Variants in FGFR2 observed in about 807,000 individuals in gnomAD.
FGFR2 encodes the protein fibroblast growth factor receptor 2, also known as BEK fibroblast growth factor receptor.
Under a neutral mutation model 95.9 loss-of-function variants are expected in FGFR2, and 19 were observed. That is an observed-to-expected ratio of 0.20 (90% CI 0.14 to 0.29). The LOEUF is 0.29. Among genes scored for constraint, FGFR2 ranks in the 10% least tolerant of loss-of-function variants. The pLI is 1.00. For synonymous variants in FGFR2, 392 were observed against 393.3 expected (o/e 1.00, Z 0.04); for missense variants, 707 against 1,056.9 (o/e 0.67, Z 4.59).
intron 2 of FGFR2, among the ~76,000 whole-genome samples, chr10:121,592,590 C>G (rs1280891425): frequency 6.6e-6 from 1 of 152,180 alleles, no homozygotes; most frequent in Non-Finnish European, 1.5e-5. Context: ...TCAGAACTCT[C>G]ATCTCAGATG....
chr10:121,558,938 G>A (rs375493590), intron 4 of FGFR2, among the ~76,000 whole-genome samples: 11 of 151,736 alleles, frequency 7.2e-5, no homozygotes, highest in East Asian at 1.9e-4. Context: ...CAAGCTTTTC[G>A]TACTCTGTAC....
chr10:121,500,672 G>A (rs775903564), intron 11 of FGFR2, among the ~76,000 whole-genome samples, 154 bp downstream of exon 11: 2 of 152,144 alleles, frequency 1.3e-5, no homozygotes, highest in Non-Finnish European at 2.9e-5. Context: ...TAGTCTGTCC[G>A]AGATGCTGAT....
At chr10:121,520,724 C>T (rs1018112793) in intron 6 of FGFR2, among the ~76,000 whole-genome samples, 2 of 152,162 alleles carry the variant, frequency 1.3e-5, no homozygotes, top group African/African-American at 4.8e-5. Flanking sequence ...CTCACTGCAG[C>T]CTCAGCCTCC....
intron 5 of FGFR2, among the ~76,000 whole-genome samples, chr10:121,539,542 C>G (rs1038742581): frequency 6.6e-6 from 1 of 152,198 alleles, no homozygotes; most frequent in African/African-American, 2.4e-5. Flanking sequence ...CTCAAATTTT[C>G]AAACTTGCGA....
At chr10:121,578,617 G>C (rs192215770) in intron 2 of FGFR2, among the ~76,000 whole-genome samples, 49 of 152,364 alleles carry the variant, frequency 3.2e-4, no homozygotes, top group Non-Finnish European at 6.0e-4. Flanking sequence ...CACTTCCAAA[G>C]ATGCTGGGTC....
intron 12 of FGFR2, 50 bp downstream of exon 12, chr10:121,498,445 C>G (rs1847166392): frequency 3.3e-6 from 4 of 1,200,592 alleles, no homozygotes; most frequent in Non-Finnish European, 5.0e-6. Flanking sequence ...TAAAATGATT[C>G]AATCAAACTG....
intron 6 of FGFR2, among the ~76,000 whole-genome samples, chr10:121,523,338 G>T (rs1220447907): frequency 6.6e-6 from 1 of 152,148 alleles, no homozygotes. Context: ...CTCATACAAT[G>T]ACCCAGGGAT....
intron 2 of FGFR2, among the ~76,000 whole-genome samples, chr10:121,591,371 T>C (rs995888570): frequency 6.6e-6 from 1 of 152,226 alleles, no homozygotes; most frequent in Non-Finnish European, 1.5e-5. Context: ...AAGACCCATG[T>C]TCCCAGCTCC....
At chr10:121,516,257 T>C (rs1849697030) in intron 8 of FGFR2, among the ~76,000 whole-genome samples, 1 of 152,230 alleles carries the variant, frequency 6.6e-6, no homozygotes, top group African/African-American at 2.4e-5. Context: ...CACCACAGAA[T>C]GCAGTACTGC....
chr10:121,573,814 C>T (rs1193192424), intron 2 of FGFR2, among the ~76,000 whole-genome samples: 3 of 152,026 alleles, frequency 2.0e-5, no homozygotes, highest in South Asian at 2.1e-4. Context: ...AGGAGCGCTG[C>T]GGGAAGGGTA....
intron 5 of FGFR2, among the ~76,000 whole-genome samples, chr10:121,546,185 T>TAAAAAAAAAAAAAAAA (rs35408469): frequency 1.5e-5 from 2 of 135,378 alleles, no homozygotes; most frequent in African/African-American, 6.1e-5. Context: ...ACCTCTTTAT[T>TAAAAAAAAAAAAAAAA]AAAAAAAAAA....
intron 17 of FGFR2, chr10:121,480,237 G>A (rs4647912): frequency 0.015 from 10,294 of 666,618 alleles, 122 homozygotes; most frequent in Non-Finnish European, 0.018. Flanking sequence ...TGACTTCCAC[G>A]AAGACCTCCC....
At chr10:121,536,357 G>C (rs182504127) in intron 6 of FGFR2, among the ~76,000 whole-genome samples, 84 of 152,266 alleles carry the variant, frequency 5.5e-4, no homozygotes, top group Non-Finnish European at 1.1e-3. Context: ...TCAAGGCTTG[G>C]AAAATTATTG....
At chr10:121,567,514 C>G (rs1863741) in intron 2 of FGFR2, among the ~76,000 whole-genome samples, 66,612 of 152,140 alleles carry the variant, frequency 0.44, 14,734 homozygotes, top group Admixed American at 0.5. Flanking sequence ...AGCTCCGCAG[C>G]AAGAGGAGAC....
chr10:121,590,985 TCG>T (rs1315388277), intron 2 of FGFR2, among the ~76,000 whole-genome samples: 1 of 149,738 alleles, frequency 6.7e-6, no homozygotes, highest in African/African-American at 2.5e-5. Flanking sequence ...GCACGCGCAC[TCG>T]CGCACACACA....
chr10:121,520,308 A>C, intron 6 of FGFR2, 139 bp from the exon 7 acceptor site: 1 of 816,266 alleles, frequency 1.2e-6, no homozygotes, highest in Non-Finnish European at 1.9e-6. Context: ...TTGAAATAAC[A>C]CTGTGGCCCC....
At chr10:121,537,964 G>A (rs574773949) in intron 6 of FGFR2, 3 of 179,396 alleles carry the variant, frequency 1.7e-5, no homozygotes, top group Non-Finnish European at 3.5e-5. Flanking sequence ...AACAGGCGAG[G>A]TGGTCTTCAA....
intron 13 of FGFR2, among the ~76,000 whole-genome samples, chr10:121,492,231 T>C (rs1392141307): frequency 6.6e-6 from 1 of 152,106 alleles, no homozygotes; most frequent in African/African-American, 2.4e-5. Context: ...GTTAACTGGG[T>C]TTGGGATTTG....
chr10:121,588,170 T>G (rs1448393029), intron 2 of FGFR2, among the ~76,000 whole-genome samples: 1 of 152,126 alleles, frequency 6.6e-6, no homozygotes, highest in African/African-American at 2.4e-5. Context: ...TATTCTCATT[T>G]ATAAGTGGGA....
Sources: allele counts gnomAD v4.1 joint callset (sites outside exome capture counted in the v4.1 genomes callset), GRCh38; gene constraint gnomAD v4.1.1; transcripts MANE v1.5; gene names NCBI Gene and HGNC (gene_info 2026-07-23, HGNC 2026-07-21).